Variants in ITPRID1 observed in about 807,000 individuals in gnomAD.
The protein encoded by ITPRID1 is protein ITPRID1.
ITPRID1 carries 96 observed loss-of-function variants against 95.4 expected under a neutral mutation model. The ratio of observed to expected loss-of-function variants is 1.01; its 90% CI spans 0.85 to 1.19. The LOEUF (loss-of-function observed/expected upper bound fraction) is 1.19, where lower values mean the gene tolerates loss of function less well. Among genes scored for constraint, ITPRID1 ranks in the 50% most tolerant of loss-of-function variants. The pLI, the probability that ITPRID1 is intolerant of heterozygous loss-of-function variation, is 0.00. For synonymous variants in ITPRID1, 510 were observed against 453.6 expected (o/e 1.12, Z -1.58); for missense variants, 1,339 against 1,252.9 (o/e 1.07, Z -1.04).
chr7:31,538,253 CG>C (rs1432557419), intron 1 of ITPRID1, among the ~76,000 whole-genome samples: 1 of 143,242 alleles, frequency 7.0e-6, no homozygotes, highest in African/African-American at 2.6e-5. Flanking sequence ...CACACACACA[CG>C]TGCGCATGCA....
At chr7:31,603,180 G>C (rs1201085334) in intron 10 of ITPRID1, among the ~76,000 whole-genome samples, 1 of 152,066 alleles carries the variant, frequency 6.6e-6, no homozygotes, top group African/African-American at 2.4e-5. Flanking sequence ...CAATCAATCA[G>C]AGATGTAACC....
intron 10 of ITPRID1, among the ~76,000 whole-genome samples, chr7:31,633,232 C>A (rs1017878898): frequency 1.3e-5 from 2 of 152,108 alleles, no homozygotes; most frequent in Non-Finnish European, 2.9e-5. Flanking sequence ...AGAGTCCAAG[C>A]GAGCTGTCTT....
intron 10 of ITPRID1, among the ~76,000 whole-genome samples, chr7:31,598,100 G>T (rs915029535): frequency 6.6e-6 from 1 of 152,154 alleles, no homozygotes; most frequent in African/African-American, 2.4e-5. Flanking sequence ...CATACCCAGA[G>T]ATAAATTCCA....
intron 10 of ITPRID1, among the ~76,000 whole-genome samples, chr7:31,590,142 C>T (rs751900250): frequency 1.3e-5 from 2 of 152,096 alleles, no homozygotes; most frequent in African/African-American, 2.4e-5. Flanking sequence ...AATCCTAAAT[C>T]ACTGCAACCT....
At chr7:31,559,379 G>A (rs943269968) in intron 5 of ITPRID1, among the ~76,000 whole-genome samples, 2 of 152,098 alleles carry the variant, frequency 1.3e-5, no homozygotes, top group Admixed American at 6.6e-5. Context: ...CATATTCCAT[G>A]GCCAGACACA....
At chr7:31,603,410 A>C (rs1583560782) in intron 10 of ITPRID1, among the ~76,000 whole-genome samples, 1 of 144,158 alleles carries the variant, frequency 6.9e-6, no homozygotes, top group Non-Finnish European at 1.5e-5. Context: ...CTCCCCACCC[A>C]CTCCACAGAC....
At chr7:31,565,599 G>A (rs553731901) in intron 5 of ITPRID1, among the ~76,000 whole-genome samples, 207 of 152,154 alleles carry the variant, frequency 1.4e-3, no homozygotes, top group Middle Eastern at 6.8e-3. Context: ...TTAGCCAGGC[G>A]TTGTGGCACA....
At position 31,620,476 on chromosome 7, in the gene ITPRID1, C is replaced by T. The variant is rs185036941; in HGVS notation, c.1229-21700C>T. Among the ~76,000 whole-genome samples the T allele has an allele frequency of 2.0e-3, 299 of 151,248 alleles. 2 individuals carry two copies. Among genetic ancestry groups the T allele is most frequent in the African/African-American group, 6.2e-3 (255 of 41,164 alleles). On this transcript the variant is annotated intron_variant, in intron 10 of 14. Coordinates refer to ENST00000615280, the MANE Select transcript of ITPRID1 (RefSeq NM_001257967.3). ...CGAAAAATACCTGTTCTGCAGACAC[C>T]ACTGCTGATACCCAGGCAAACAGGG...
chr7:31,527,525 C>A (rs1783459872), intron 1 of ITPRID1, among the ~76,000 whole-genome samples: 3 of 151,988 alleles, frequency 2.0e-5, no homozygotes, highest in African/African-American at 4.8e-5. Flanking sequence ...TCAATCTCAC[C>A]TTTTGTCATC....
In ITPRID1 at chr7:31,643,637, A is replaced by G. The variant is rs141868591; in HGVS notation, c.2267A>G (p.Gln756Arg). ...ACAAGACTGGGGACAAAAGCAAGAC[A>G]GTTAAATGATGCTTCCATTCAGACT... ...TETRLGTKARQLNDASIQTSA... is the reference protein window; with the variant it reads ...TETRLGTKARRLNDASIQTSA... The change falls in exon 12 of 15, where the codon CAG (glutamine) becomes CGG (arginine). Residue 756 changes from glutamine (Q) to arginine (R), a missense_variant. Transcript: ENST00000615280. 3.3e-4 allele frequency: 535 copies of G among 1,614,070 alleles called. 3 individuals are homozygous for G. The African/African-American group carries it at 6.5e-3, about 20-fold the overall frequency.
At chr7:31,658,508 G>A (rs1260208240), downstream of ITPRID1, 3 of 843,948 alleles carry the variant, frequency 3.6e-6, no homozygotes, top group Non-Finnish European at 4.9e-6. Context: ...AGAAGAAAAA[G>A]TTTTAGAGTG....
intron 1 of ITPRID1, among the ~76,000 whole-genome samples, chr7:31,522,348 G>A (rs1201001141): frequency 6.6e-6 from 1 of 152,158 alleles, no homozygotes. Context: ...TAAGATTGCA[G>A]TGTGAAGGTC....
At chr7:31,536,107 C>T (rs545715663) in intron 1 of ITPRID1, among the ~76,000 whole-genome samples, 8 of 152,198 alleles carry the variant, frequency 5.3e-5, no homozygotes, top group Middle Eastern at 3.4e-3. Context: ...TTCAAAAATA[C>T]GGACGATCAC....
intron 10 of ITPRID1, among the ~76,000 whole-genome samples, chr7:31,621,278 G>A (rs38347): frequency 0.062 from 6,388 of 102,476 alleles, 191 homozygotes; most frequent in Non-Finnish European, 0.085. Flanking sequence ...TACTCCTCGA[G>A]AAGAGCAACT....
chr7:31,607,643 C>T (rs1168751215), intron 10 of ITPRID1, among the ~76,000 whole-genome samples: 1 of 151,922 alleles, frequency 6.6e-6, no homozygotes, highest in Non-Finnish European at 1.5e-5. Flanking sequence ...CTGTTTTCAT[C>T]CATTAGGTTG....
chr7:31,652,639 G>A lies in ITPRID1; in HGVS notation c.2945G>A (p.Arg982Lys). 4.3e-6 allele frequency: 7 copies of A among 1,613,834 alleles called. No homozygotes were observed. The highest frequency in any genetic ancestry group is 5.9e-6 in the Non-Finnish European group (7 of 1,179,848). Residue 982 changes from arginine to lysine, a missense_variant, in exon 15 of 15, where the codon AGG becomes AAG. Arg to Lys is a conservative substitution (Grantham distance 26). Transcript: ENST00000615280. The part of the protein sequence containing the change: ...CSKIHPGMAP[R>K]TVFPPDDGQE... ...AAAATCCACCCAGGCATGGCCCCGA[G>A]GACTGTGTTTCCTCCCGATGATGGC...
intron 9 of ITPRID1, among the ~76,000 whole-genome samples, chr7:31,578,993 T>G (rs1785300595): frequency 6.6e-6 from 1 of 152,128 alleles, no homozygotes; most frequent in Admixed American, 6.6e-5. Flanking sequence ...TGTAGGGACT[T>G]GGGTATGGTT....
chr7:31,630,828 T>A (rs953750228), intron 10 of ITPRID1, among the ~76,000 whole-genome samples: 2 of 151,976 alleles, frequency 1.3e-5, no homozygotes, highest in African/African-American at 4.8e-5. Flanking sequence ...TACCAAAAAG[T>A]ATGTCAATGA....
At chr7:31,628,315 G>T (rs10262468) in intron 10 of ITPRID1, among the ~76,000 whole-genome samples, 8 of 152,100 alleles carry the variant, frequency 5.3e-5, no homozygotes, top group Non-Finnish European at 1.2e-4. Flanking sequence ...GGTAACAGGG[G>T]CAAGGAAGGA....
Sources: gnomAD v4.1 joint callset for allele counts (sites outside exome capture counted in the v4.1 genomes callset) on GRCh38, gnomAD v4.1.1 for gene constraint, MANE v1.5 for transcripts, NCBI Gene and HGNC (gene_info 2026-07-23, HGNC 2026-07-21) for gene names.